NUP210L: variants seen among roughly 807,000 people sequenced by gnomAD.
NUP210L encodes nuclear pore membrane glycoprotein 210-like.
NUP210L carries 74 observed loss-of-function variants against 208.5 expected under a neutral mutation model. That is an observed-to-expected ratio of 0.35 (90% CI 0.29 to 0.43). The LOEUF is 0.43. Ranked by LOEUF, NUP210L falls within the 20% of genes least tolerant of loss-of-function variation. The pLI, the probability that NUP210L is intolerant of heterozygous loss-of-function variation, is 1.00. For missense variants in NUP210L, 1,843 were observed against 2,289.4 expected (o/e 0.81, Z 3.98); for synonymous variants, 780 against 816.9 (o/e 0.95, Z 0.77).
intron 3 of NUP210L, among the ~76,000 whole-genome samples, chr1:154,143,242 C>T (rs999155415): frequency 4.0e-5 from 6 of 150,176 alleles, no homozygotes; most frequent in Admixed American, 6.6e-5. Context: ...AGATAACTAA[C>T]AATAGCAGGA....
intron 32 of NUP210L, among the ~76,000 whole-genome samples, chr1:154,020,738 G>A (rs1204760314): frequency 6.6e-6 from 1 of 151,730 alleles, no homozygotes; most frequent in Non-Finnish European, 1.5e-5. Context: ...TGCTGGCCAG[G>A]ATGGTCTTGA....
chr1:154,028,832 C>T (rs1652053319), intron 28 of NUP210L, among the ~76,000 whole-genome samples: 1 of 151,802 alleles, frequency 6.6e-6, no homozygotes, highest in Admixed American at 6.6e-5. Flanking sequence ...TGGTAGCTCA[C>T]GTCTGTAATC....
chr1:154,043,474 C>T (rs1653003649), intron 27 of NUP210L, among the ~76,000 whole-genome samples: 1 of 152,004 alleles, frequency 6.6e-6, no homozygotes, highest in African/African-American at 2.4e-5. Context: ...GCCACCACAC[C>T]CGGCTAATTT....
intron 12 of NUP210L, among the ~76,000 whole-genome samples, chr1:154,105,014 T>C (rs1420503483): frequency 6.6e-6 from 1 of 152,146 alleles, no homozygotes; most frequent in African/African-American, 2.4e-5. Context: ...AAAAAGGACT[T>C]TGTTTTGCAA....
chr1:154,025,578 A>C, exon 30 of NUP210L: 1 of 1,612,778 alleles, frequency 6.2e-7, no homozygotes, highest in South Asian at 1.1e-5. Context: ...TGACTCCAAA[A>C]GGTTCTATAG....
intron 7 of NUP210L, 126 bp from the exon 8 acceptor site, chr1:154,129,471 T>C: frequency 1.5e-6 from 1 of 674,038 alleles, no homozygotes; most frequent in Non-Finnish European, 2.6e-6. Flanking sequence ...TCTTTTATTA[T>C]CCTTTGGAAA....
chr1:154,018,236 T>C (rs1170111959), intron 33 of NUP210L, among the ~76,000 whole-genome samples: 2 of 152,166 alleles, frequency 1.3e-5, no homozygotes, highest in Non-Finnish European at 2.9e-5. Context: ...CTTCCCAAAG[T>C]GCTGGAATTA....
rs1375778033 is a variant in NUP210L at position 153,993,090 on chromosome 1, C to T, written c.5492-1G>A. ...ATCTTGTTTAGGAAGGCATTGTATG[C>T]TGGAAAAAGGACAGGAAATGTCACA... On this transcript the variant is annotated splice_acceptor_variant, in intron 38 of 39. Coordinates refer to ENST00000368559, the Ensembl canonical transcript of NUP210L. LOFTEE classifies it high-confidence loss of function. The T allele has an allele frequency of 2.4e-5, 39 of 1,609,214 alleles. No homozygotes were observed. The highest frequency in any genetic ancestry group is 3.1e-5 in the Non-Finnish European group (37 of 1,177,838).
At chr1:154,052,867 C>T (rs1653605520) in intron 25 of NUP210L, among the ~76,000 whole-genome samples, 1 of 152,202 alleles carries the variant, frequency 6.6e-6, no homozygotes, top group African/African-American at 2.4e-5. Context: ...ATGAATTGCA[C>T]CTCCCAGTCT....
At chr1:154,146,784 C>A (rs963142929) in intron 2 of NUP210L, among the ~76,000 whole-genome samples, 4 of 152,104 alleles carry the variant, frequency 2.6e-5, no homozygotes, top group African/African-American at 9.7e-5. Context: ...CTTTGGCACT[C>A]CTCCTTCCAA....
chr1:154,133,050 A>C (rs1247392508), intron 7 of NUP210L, among the ~76,000 whole-genome samples: 7 of 152,192 alleles, frequency 4.6e-5, no homozygotes, highest in Non-Finnish European at 1.0e-4. Context: ...GGCCCTACCT[A>C]ATCTGCCCCT....
intron 16 of NUP210L, among the ~76,000 whole-genome samples, chr1:154,077,301 A>G (rs1372115475): frequency 6.6e-6 from 1 of 151,968 alleles, no homozygotes; most frequent in Non-Finnish European, 1.5e-5. Flanking sequence ...GCTTGAATCC[A>G]GGAGGCAGAG....
chr1:154,034,142 CT>C (rs1652404615), intron 27 of NUP210L, among the ~76,000 whole-genome samples: 2 of 151,966 alleles, frequency 1.3e-5, no homozygotes, highest in African/African-American at 4.8e-5. Context: ...CTTTAGTTTT[CT>C]TTTTTTGATA....
chr1:154,124,030 T>C (rs1055593073), intron 10 of NUP210L, among the ~76,000 whole-genome samples: 5 of 150,374 alleles, frequency 3.3e-5, no homozygotes, highest in Non-Finnish European at 7.4e-5. Context: ...TAAAAAAAAT[T>C]ACAAAAATTA....
intron 27 of NUP210L, among the ~76,000 whole-genome samples, chr1:154,041,254 C>T (rs1175400301): frequency 6.6e-6 from 1 of 152,146 alleles, no homozygotes; most frequent in Non-Finnish European, 1.5e-5. Context: ...CGTGAGCCAC[C>T]GAGCCTGGCC....
rs1201390669 is a variant in NUP210L at position 154,097,084 on chromosome 1, AT to A, written c.1966-1929del. The stretch of plus-strand genomic sequence containing the variant: ...GTGAGACTCTGTCTCAAAAAAAAAA[AT>A]TTTTTTTGACAGAAGAAATGAATGG... On this transcript the variant is annotated intron_variant, in intron 14 of 39. Coordinates refer to ENST00000368559, the Ensembl canonical transcript of NUP210L. Among the ~76,000 whole-genome samples, 7 of 152,020 alleles carry A rather than the reference AT, an allele frequency of 4.6e-5. No individual in the cohort carries two copies. In the East Asian group the frequency reaches 1.4e-3, roughly 29 times the overall value.
chr1:154,000,727 T>G, intron 37 of NUP210L, 129 bp downstream of exon 37: 2 of 755,788 alleles, frequency 2.6e-6, no homozygotes. Flanking sequence ...GAGTTTTTCA[T>G]TTATTTTTGG....
At chr1:154,054,458 G>T in intron 24 of NUP210L, 51 bp from the exon 25 acceptor site, 1 of 1,567,172 alleles carries the variant, frequency 6.4e-7, no homozygotes, top group Non-Finnish European at 8.8e-7. Flanking sequence ...GAGAAATCAT[G>T]TCTCTTTTCC....
At chr1:154,072,641 A>T (rs1654814114) in intron 16 of NUP210L, among the ~76,000 whole-genome samples, 1 of 151,994 alleles carries the variant, frequency 6.6e-6, no homozygotes, top group Admixed American at 6.6e-5. Context: ...AATTATGGCC[A>T]TTCTTGCAAA....
Sources: allele counts gnomAD v4.1 joint callset (sites outside exome capture counted in the v4.1 genomes callset), GRCh38; gene constraint gnomAD v4.1.1; transcripts MANE v1.5; gene names NCBI Gene and HGNC (gene_info 2026-07-23, HGNC 2026-07-21).